The following PPAN variants were observed in gnomAD, a reference collection of about 807,000 sequenced individuals.
PPAN encodes peter pan homolog, also known as suppressor of SWI4 1 homolog.
In PPAN, 39 loss-of-function variants were observed where a neutral mutation model predicts 48.5. The observed-to-expected ratio is 0.80, with a 90% CI of 0.62 to 1.05. PPAN has a LOEUF of 1.05. Ranked by LOEUF, PPAN falls within the 50% of genes least tolerant of loss-of-function variation. The pLI, the probability that PPAN is intolerant of heterozygous loss-of-function variation, is 0.00. For missense variants in PPAN, 736 were observed against 661.7 expected (o/e 1.11, Z -1.23); for synonymous variants, 315 against 268.6 (o/e 1.17, Z -1.69).
chr19:10,107,765 A>G lies in PPAN; in HGVS notation c.292-39A>G, dbSNP rs771373751. The G allele has an allele frequency of 3.7e-6, 6 of 1,613,676 alleles. No individual in the cohort carries two copies. The African/African-American group carries it at 8.0e-5, about 22-fold the overall frequency. ...GGTGCCTACTCCGGGCACCTCTGCT[A>G]GACCCCTCCAGAGTCACTGATCTTT... On this transcript the variant is annotated intron_variant, in intron 3 of 11. Coordinates refer to ENST00000253107, the MANE Select transcript of PPAN (RefSeq NM_020230.7).
chr19:10,110,899 A>ATG lies in PPAN; in HGVS notation c.1201+33_1201+34insTG. 1 of 1,613,148 alleles carries ATG rather than the reference A, an allele frequency of 6.2e-7. No individual in the cohort carries two copies. The highest frequency in any genetic ancestry group is 8.5e-7 in the Non-Finnish European group (1 of 1,179,816). ...GTGGGGTCTGCAGCAGGGCACCCAG[A>ATG]GCCTGTCCTTGTCTCTGGGGGCCCT... is the stretch of plus-strand genomic sequence containing the variant. On this transcript the variant is annotated intron_variant, in intron 11 of 11. Coordinates refer to ENST00000253107, the MANE Select transcript of PPAN (RefSeq NM_020230.7). This position sits in a 1 kb window ranked among gnomAD's most constrained non-coding sequence, Gnocchi z 5.9.
At chr19:10,107,455 CACA>C (rs1168161879) in intron 2 of PPAN, 47 bp from the exon 3 acceptor site, 3 of 1,591,354 alleles carry the variant, frequency 1.9e-6, no homozygotes, top group East Asian at 2.2e-5. Context: ...TTATAGTTGT[CACA>C]ACAAGGGATA....
rs768651687 is a variant in PPAN, at chr19:10,109,612, T to G, written c.514-19T>G. ...TTGCCATGAGTCTACTGGACTATGC[T>G]CTCTTCCTCCCCTTCCAGGTGAACC... On this transcript the variant is annotated intron_variant, in intron 5 of 11. Transcript: ENST00000253107. 2 of 1,609,424 alleles carry G rather than the reference T, an allele frequency of 1.2e-6. No individual in the cohort carries two copies. The highest frequency in any genetic ancestry group is 8.5e-7 in the Non-Finnish European group (1 of 1,177,632).
chr19:10,111,576 G>T lies in PPAN; in HGVS notation c.*411G>T, dbSNP rs1262037171. The T allele has an allele frequency of 1.1e-6, 1 of 943,486 alleles. No individual in the cohort carries two copies. Among genetic ancestry groups the T allele is most frequent in the Non-Finnish European group, 1.7e-6 (1 of 601,424 alleles). 58.4% of individuals were successfully genotyped at this position (943,486 alleles called of 1,614,324 possible). ...GTTGTGGCACAATGAGGAAGGAAACGTGGGTGGAAAGGCACGCTGGCCTGC... is the reference window on the plus strand; with the variant it reads ...GTTGTGGCACAATGAGGAAGGAAACTTGGGTGGAAAGGCACGCTGGCCTGC... On this transcript the variant is annotated 3_prime_UTR_variant, in exon 12 of 12. Transcript: ENST00000253107.
intron 5 of PPAN, 48 bp downstream of exon 5, chr19:10,108,182 A>G: frequency 6.4e-7 from 1 of 1,565,006 alleles, no homozygotes; most frequent in East Asian, 2.2e-5. Flanking sequence ...TGCAGCGGAT[A>G]GAGGTGCCAC....
At chr19:10,107,363 A>ATTAG in intron 2 of PPAN, 142 bp from the exon 3 acceptor site, 1 of 806,074 alleles carries the variant, frequency 1.2e-6, no homozygotes, top group Non-Finnish European at 1.9e-6. Flanking sequence ...ACTGACTCTA[A>ATTAG]AGGCTAAGAT....
chr19:10,109,562 C>T, intron 5 of PPAN, 69 bp from the exon 6 acceptor site: 1 of 1,509,008 alleles, frequency 6.6e-7, no homozygotes, highest in Non-Finnish European at 9.1e-7. Flanking sequence ...GTGTGTATCC[C>T]CCAAAGCCCC....
At chr19:10,107,703 C>T (rs948187135) in intron 3 of PPAN, 97 bp downstream of exon 3, 3 of 1,607,364 alleles carry the variant, frequency 1.9e-6, no homozygotes, top group African/African-American at 2.7e-5. Flanking sequence ...TGATTTCTGG[C>T]TTCAAAGTAA....
chr19:10,110,720 A>G lies in PPAN; in HGVS notation c.1055A>G (p.Lys352Arg). The change falls in exon 11 of 12, where the codon AAG becomes AGG. Residue 352 changes from lysine to arginine, a missense_variant. Lys to Arg is a conservative substitution (Grantham distance 26). Coordinates refer to ENST00000253107, the MANE Select transcript of PPAN (RefSeq NM_020230.7). This position sits in a 1 kb window ranked among gnomAD's most constrained non-coding sequence, Gnocchi z 5.9. ...AHRKKSLEGMKKARVGGSDEE... is the reference protein window; with the variant it reads ...AHRKKSLEGMRKARVGGSDEE... ...AGAAAGAAGAGCCTGGAGGGCATGA[A>G]GAAGGCACGGGTCGGGGGTAGTGAT... The G allele has an allele frequency of 6.2e-7, 1 of 1,613,890 alleles. No homozygotes were observed. The highest frequency in any genetic ancestry group is 8.5e-7 in the Non-Finnish European group (1 of 1,179,964).
In PPAN at chr19:10,110,966, AGAAAC is replaced by A; in HGVS notation, c.1225_1229del (p.Lys409AlafsTer23). On this transcript the variant is annotated frameshift_variant, in exon 12 of 12. Coordinates refer to ENST00000253107, the MANE Select transcript of PPAN (RefSeq NM_020230.7). LOFTEE classifies it low-confidence loss of function (END_TRUNC). This position sits in a 1 kb window ranked among gnomAD's most constrained non-coding sequence, Gnocchi z 5.9. ...ACAGACCTGTTCCCCGAGGCCAAGCAGAAACGGCTTGCCAAGTCTCCAGGGCGGAA... is the reference window on the plus strand; with the variant it reads ...ACAGACCTGTTCCCCGAGGCCAAGCAGGCTTGCCAAGTCTCCAGGGCGGAA... 6.2e-7 allele frequency: 1 copy of A among 1,613,378 alleles called. No individual in the cohort carries two copies. Among genetic ancestry groups the A allele is most frequent in the Non-Finnish European group, 8.5e-7 (1 of 1,179,928 alleles).
intron 2 of PPAN, among the ~76,000 whole-genome samples, chr19:10,107,243 C>T (rs1196431528): frequency 6.6e-6 from 1 of 152,168 alleles, no homozygotes; most frequent in African/African-American, 2.4e-5. Context: ...TGACTTCTCC[C>T]CAGTATCTGA....
At position 10,106,434 on chromosome 19, in the gene PPAN, G is replaced by A. The variant is rs1485846575; in HGVS notation, c.18+22G>A. ...GAGGGTAAGGCCCGGCAGCTTGGGAGGCAGGTGGCGCAGGTGGGGTCCCGG... is the reference window on the plus strand; with the variant it reads ...GAGGGTAAGGCCCGGCAGCTTGGGAAGCAGGTGGCGCAGGTGGGGTCCCGG... On this transcript the variant is annotated intron_variant, in intron 1 of 11. Transcript: ENST00000253107. 11 of 1,547,986 alleles carry A rather than the reference G, an allele frequency of 7.1e-6. No homozygotes were observed. The South Asian group carries it at 8.3e-5, about 12-fold the overall frequency.
In PPAN at chr19:10,110,143, G is replaced by A. The variant is rs563237144; in HGVS notation, c.719G>A (p.Ser240Asn). 22 of 1,610,418 alleles carry A rather than the reference G, an allele frequency of 1.4e-5. No homozygotes were observed. In the East Asian group the frequency reaches 4.7e-4, roughly 34 times the overall value. ...LLATGAGLSE[S>N]EAEPDGDHNI... The stretch of plus-strand genomic sequence containing the variant: ...CACAGGGGCGCGGGGCTGTCGGAGA[G>A]CGAGGCAGAGCCTGACGGCGACCAC... The change falls in exon 8 of 12, where the codon AGC becomes AAC. Residue 240 changes from serine (S) to asparagine (N), a missense_variant. Physicochemically the swap from Ser to Asn is conservative, Grantham distance 46 (BLOSUM62 1). Transcript: ENST00000253107. The surrounding 1 kb of genome is among the most constrained non-coding windows in gnomAD (Gnocchi z 5.9).
Position 10,106,596 on chromosome 19 carries a change from C to T in PPAN, c.114C>T (p.Cys38=). ...NPHSFVFTRG[C]TGRNIRQLSL... ...ACTCGTTCGTGTTCACGCGAGGCTG[C>T]ACGGGTCGCAACATCCGGCAGCTCA... The change falls in exon 2 of 12, where the codon TGC becomes TGT. Residue 38 remains cysteine (C), a synonymous_variant. Transcript: ENST00000253107. The T allele has an allele frequency of 6.4e-7, 1 of 1,550,920 alleles. No individual in the cohort carries two copies. Among genetic ancestry groups the T allele is most frequent in the Non-Finnish European group, 8.7e-7 (1 of 1,148,164 alleles).
At position 10,110,004 on chromosome 19, in the gene PPAN, A is replaced by G; in HGVS notation, c.682A>G (p.Ser228Gly). 6.2e-7 allele frequency: 1 copy of G among 1,613,966 alleles called. No homozygotes were observed. ...CAACATGAGCCGCCTGCAGGACATC[A>G]GCGAGCTGCTGGCCACGTGAGGAGG... Reference protein sequence around the residue: ...FPNMSRLQDISELLATGAGLS... With the variant: ...FPNMSRLQDIGELLATGAGLS... Residue 228 changes from serine (S) to glycine (G), a missense_variant, in exon 7 of 12, where the codon AGC (serine) becomes GGC (glycine). Ser to Gly is a moderately conservative substitution (Grantham distance 56). Transcript: ENST00000253107. This position sits in a 1 kb window ranked among gnomAD's most constrained non-coding sequence, Gnocchi z 5.9.
rs139384586 is a variant in PPAN, at chr19:10,109,678, C to T, written c.561C>T (p.Pro187=). The T allele has an allele frequency of 4.6e-5, 74 of 1,613,868 alleles. 1 individual carries two copies. In the African/African-American group the frequency reaches 6.9e-4, roughly 15 times the overall value. ...IKRCLLIDYN[P]DSQELDFRHY... The stretch of plus-strand genomic sequence containing the variant: ...GCTGCCTCCTCATCGACTACAACCC[C>T]GACTCCCAGGAGCTGGACTTCCGCC... Residue 187 remains proline, a synonymous_variant, in exon 6 of 12, where the codon CCC becomes CCT. Transcript: ENST00000253107.
At position 10,106,683 on chromosome 19, in the gene PPAN, AC is replaced by A; in HGVS notation, c.189+17del. ...CCAGCCGTCTGCAGGTTTGTACCCC[AC>A]CCCCAGCCCGCCTCCACCCACCCTC... On this transcript the variant is annotated intron_variant, in intron 2 of 11. Transcript: ENST00000253107. 4 of 1,508,128 alleles carry A rather than the reference AC, an allele frequency of 2.7e-6. No homozygotes were observed. Among genetic ancestry groups the A allele is most frequent in the Non-Finnish European group, 1.8e-6 (2 of 1,120,208 alleles). 93.4% of individuals were successfully genotyped at this position (1,508,128 alleles called of 1,614,324 possible).
rs751147894 is a variant in PPAN at position 10,109,713 on chromosome 19, T to C, written c.590+6T>C. 2.7e-5 allele frequency: 44 copies of C among 1,613,146 alleles called. No homozygotes were observed. Among genetic ancestry groups the C allele is most frequent in the Non-Finnish European group, 9.3e-6 (11 of 1,179,576 alleles). On this transcript the variant is annotated splice_donor_region_variant and intron_variant, in intron 6 of 11. Coordinates refer to ENST00000253107, the MANE Select transcript of PPAN (RefSeq NM_020230.7). ...GAGCTGGACTTCCGCCACTAGTGAG[T>C]GTCCCAGCAGGATGGGAGACGAGGG...
chr19:10,106,376 T>C lies in PPAN; in HGVS notation c.-19T>C. On this transcript the variant is annotated 5_prime_UTR_variant, in exon 1 of 12. Transcript: ENST00000253107. ...CCGGAAGCGGCGGACGCAGGAGGCC[T>C]CGTGGAGGACACAGCAGCATGGGAC... is the stretch of plus-strand genomic sequence containing the variant. 6.5e-7 allele frequency: 1 copy of C among 1,549,312 alleles called. No individual in the cohort carries two copies. The highest frequency in any genetic ancestry group is 8.7e-7 in the Non-Finnish European group (1 of 1,145,910).
Sources: gnomAD v4.1 joint callset for allele counts (sites outside exome capture counted in the v4.1 genomes callset) on GRCh38, gnomAD v4.1.1 for gene constraint, Gnocchi (gnomAD v3.1) non-coding constraint, MANE v1.5 for transcripts, NCBI Gene and HGNC (gene_info 2026-07-23, HGNC 2026-07-21) for gene names.